DNM3: variants seen among roughly 807,000 people sequenced by gnomAD.
DNM3 encodes the protein dynamin 3.
A neutral mutation model predicts 101.6 loss-of-function variants in DNM3; 47 were observed. The observed-to-expected ratio is 0.46, with a 90% CI of 0.37 to 0.59. DNM3 has a LOEUF of 0.59. Ranked by LOEUF, DNM3 falls within the 20% of genes least tolerant of loss-of-function variation. The pLI, the probability that DNM3 is intolerant of heterozygous loss-of-function variation, is 0.00. For synonymous variants in DNM3, 385 were observed against 387.9 expected, an observed-to-expected ratio of 0.99 and a Z score of 0.09; for missense variants, 849 against 1,085.7, an observed-to-expected ratio of 0.78 and a Z score of 3.06.
chr1:171,893,008 T>G (rs1341863049), intron 1 of DNM3, among the ~76,000 whole-genome samples: 1 of 149,992 alleles, frequency 6.7e-6, no homozygotes, highest in Non-Finnish European at 1.5e-5. Context: ...GGCGCAAGAG[T>G]TGGGGACCCC....
At chr1:172,176,076 T>A (rs1262807893) in intron 14 of DNM3, among the ~76,000 whole-genome samples, 1 of 151,826 alleles carries the variant, frequency 6.6e-6, no homozygotes, top group East Asian at 1.9e-4. Flanking sequence ...GAAGTGACTT[T>A]GCACACGTGA....
intron 2 of DNM3, among the ~76,000 whole-genome samples, chr1:171,985,967 T>C (rs2045221158): frequency 6.6e-6 from 1 of 152,110 alleles, no homozygotes; most frequent in Admixed American, 6.5e-5. Context: ...AGGACAAAAG[T>C]TGGACTAGTG....
At chr1:171,841,960 A>C in intron 1 of DNM3, 143 bp downstream of exon 1, 2 of 342,488 alleles carry the variant, frequency 5.8e-6, no homozygotes, top group Non-Finnish European at 8.9e-6. Context: ...AATGGGGGGC[A>C]GAGTGGCGGT....
At chr1:172,108,159 T>A (rs893506838) in intron 13 of DNM3, among the ~76,000 whole-genome samples, 1 of 152,126 alleles carries the variant, frequency 6.6e-6, no homozygotes, top group African/African-American at 2.4e-5. Context: ...TCGAGAACAA[T>A]CTTACTTTTT....
chr1:172,036,614 C>A lies in DNM3; in HGVS notation c.850-1705C>A, dbSNP rs576881161. ...CATAGGTAGAAAGCTGAAACTGGAT[C>A]CCTTCCTTACACCTTATACAAAAAT... On this transcript the variant is annotated intron_variant, in intron 6 of 20. Coordinates refer to ENST00000627582, the MANE Select transcript of DNM3 (RefSeq NM_015569.5). 3.1e-4 allele frequency among the ~76,000 whole-genome samples: 47 copies of A among 152,162 alleles called. 1 individual carries two copies. In the South Asian group the frequency reaches 4.6e-3, roughly 15 times the overall value.
chr1:171,886,867 G>A (rs149999215), intron 1 of DNM3, among the ~76,000 whole-genome samples: 19 of 151,772 alleles, frequency 1.3e-4, no homozygotes. Flanking sequence ...TTTTTTTTGT[G>A]AGTTGGCACA....
rs151143581 is a variant in DNM3, at chr1:172,322,342, G to A, written c.1882-987G>A. On this transcript the variant is annotated intron_variant, in intron 16 of 20. Transcript: ENST00000627582. ...TGTGTCTCAGCGAGAAATTCCTTCT[G>A]GGCCCCTTGTGAGAAGAGTTCAGAT... Among the ~76,000 whole-genome samples the A allele has an allele frequency of 2.7e-3, 404 of 152,240 alleles. 3 individuals are homozygous for A. Among genetic ancestry groups the A allele is most frequent in the Non-Finnish European group, 4.6e-3 (313 of 68,022 alleles).
intron 1 of DNM3, among the ~76,000 whole-genome samples, chr1:171,863,829 T>A (rs867780490): frequency 2.0e-5 from 3 of 152,202 alleles, no homozygotes; most frequent in African/African-American, 2.4e-5. Context: ...AGTTATCACC[T>A]CTTCTTGAAA....
intron 1 of DNM3, among the ~76,000 whole-genome samples, chr1:171,863,209 A>G (rs959915436): frequency 5.3e-5 from 8 of 152,156 alleles, no homozygotes; most frequent in South Asian, 2.1e-4. Flanking sequence ...ACAGAAAAGC[A>G]GAAGAGAGAG....
rs116229103 is a variant in DNM3 at position 172,272,626 on chromosome 1, A to G, written c.1769+18944A>G. 7.6e-3 allele frequency among the ~76,000 whole-genome samples: 1,154 copies of G among 152,300 alleles called. 14 individuals are homozygous for G. The highest frequency in any genetic ancestry group is 0.026 in the African/African-American group (1,070 of 41,590). ...TATCTTTGAGGATTAGTTAGTACTG[A>G]TACCAGACAAATAGAATCAAAACAA... is the stretch of plus-strand genomic sequence containing the variant. On this transcript the variant is annotated intron_variant, in intron 15 of 20. Coordinates refer to ENST00000627582, the MANE Select transcript of DNM3 (RefSeq NM_015569.5).
intron 1 of DNM3, among the ~76,000 whole-genome samples, chr1:171,896,831 A>T (rs1257324883): frequency 2.6e-5 from 4 of 152,164 alleles, no homozygotes; most frequent in African/African-American, 9.7e-5. Flanking sequence ...ACTAATTCGA[A>T]TATATCCTAC....
At chr1:172,122,463 C>T (rs150981505) in intron 13 of DNM3, among the ~76,000 whole-genome samples, 47 of 152,266 alleles carry the variant, frequency 3.1e-4, no homozygotes, top group African/African-American at 1.0e-3. Context: ...ACCCAGGCAG[C>T]AACTATTGAA....
chr1:172,338,995 G>A (rs1239199818), intron 17 of DNM3: 2 of 455,042 alleles, frequency 4.4e-6, no homozygotes, highest in African/African-American at 2.0e-5. Context: ...GTTCAAAGGT[G>A]TATTCACAGT....
At chr1:172,032,825 C>T (rs1007431221) in intron 5 of DNM3, among the ~76,000 whole-genome samples, 1 of 151,984 alleles carries the variant, frequency 6.6e-6, no homozygotes, top group Non-Finnish European at 1.5e-5. Flanking sequence ...TATTTACTTG[C>T]CTGCTATATG....
Position 171,921,609 on chromosome 1 carries a change from A to T in DNM3, c.162-139A>T, listed in dbSNP as rs912155547. 4 of 657,954 alleles carry T rather than the reference A, an allele frequency of 6.1e-6. No individual in the cohort carries two copies. In the African/African-American group the frequency reaches 7.3e-5, roughly 12 times the overall value. The allele number at this position is 657,954 out of a possible 1,614,324, so 40.8% of individuals were successfully genotyped here. On this transcript the variant is annotated intron_variant, in intron 1 of 20. Coordinates refer to ENST00000627582, the MANE Select transcript of DNM3 (RefSeq NM_015569.5). Reference sequence around the variant, plus strand: ...TAAATTTGAAAATGCTTCTTTTATTAAGATGGGCCTATCATTGTTTGGATA... The same window carrying T: ...TAAATTTGAAAATGCTTCTTTTATTTAGATGGGCCTATCATTGTTTGGATA...
intron 17 of DNM3, among the ~76,000 whole-genome samples, chr1:172,346,135 A>AAG (rs1263425860): frequency 2.6e-5 from 4 of 151,826 alleles, no homozygotes; most frequent in African/African-American, 9.7e-5. Flanking sequence ...AAAAAAAAAA[A>AAG]AAAAAAAGAA....
intron 13 of DNM3, among the ~76,000 whole-genome samples, chr1:172,099,578 A>G (rs2054490793): frequency 6.6e-6 from 1 of 152,180 alleles, no homozygotes; most frequent in Admixed American, 6.5e-5. Context: ...GGAAAAAAAA[A>G]AAGACAAAAA....
At chr1:172,254,688 A>C (rs753808222) in intron 15 of DNM3, among the ~76,000 whole-genome samples, 1 of 152,128 alleles carries the variant, frequency 6.6e-6, no homozygotes, top group Admixed American at 6.6e-5. Context: ...GTTCATGTGC[A>C]GTATCAAAAC....
intron 1 of DNM3, among the ~76,000 whole-genome samples, chr1:171,911,065 G>T (rs1238578997): frequency 1.3e-5 from 2 of 152,138 alleles, no homozygotes; most frequent in African/African-American, 2.4e-5. Context: ...AAGTTTGCGT[G>T]GGGGAATCAT....
Sources: gnomAD v4.1 joint callset for allele counts (sites outside exome capture counted in the v4.1 genomes callset) on GRCh38, gnomAD v4.1.1 for gene constraint, MANE v1.5 for transcripts, NCBI Gene and HGNC (gene_info 2026-07-23, HGNC 2026-07-21) for gene names.